The following PLCD1 variants were observed in gnomAD, a reference collection of about 807,000 sequenced individuals.
The protein encoded by PLCD1 is phospholipase C delta 1.
In PLCD1, 71 loss-of-function variants were observed where a neutral mutation model predicts 87.4. That is an observed-to-expected ratio of 0.81 (90% confidence interval 0.67 to 0.99). PLCD1 has a LOEUF of 0.99. Among genes scored for constraint, PLCD1 ranks in the 50% least tolerant of loss-of-function variants. PLCD1 has a pLI of 0.00. For synonymous variants in PLCD1, 348 were observed against 399.2 expected (o/e 0.87, Z 1.53); for missense variants, 867 against 1,001.5 (o/e 0.87, Z 1.81).
chr3:38,021,970 C>T (rs893466710), intron 1 of PLCD1, among the ~76,000 whole-genome samples: 2 of 152,238 alleles, frequency 1.3e-5, no homozygotes, highest in African/African-American at 4.8e-5. Flanking sequence ...CTCACACACT[C>T]TTTATCCTTC....
intron 1 of PLCD1, among the ~76,000 whole-genome samples, chr3:38,022,257 G>C (rs1700246529): frequency 6.6e-6 from 1 of 152,218 alleles, no homozygotes; most frequent in South Asian, 2.1e-4. Flanking sequence ...GAAAAGAAGG[G>C]GGCTCTGATA....
chr3:38,026,135 C>T (rs1482448599), intron 1 of PLCD1, among the ~76,000 whole-genome samples: 4 of 152,178 alleles, frequency 2.6e-5, no homozygotes, highest in Admixed American at 6.5e-5. Context: ...TTAACCAGAC[C>T]AAAGACCCCT....
At chr3:38,008,970 C>T (rs942132605) in intron 11 of PLCD1, 72 bp downstream of exon 11, 62 of 1,269,578 alleles carry the variant, frequency 4.9e-5, no homozygotes, top group South Asian at 4.7e-4. Flanking sequence ...GCATGGCCTT[C>T]GAGGCTCCAG....
At chr3:38,027,204 C>T (rs987031252) in intron 1 of PLCD1, among the ~76,000 whole-genome samples, 6 of 152,188 alleles carry the variant, frequency 3.9e-5, no homozygotes, top group Non-Finnish European at 2.9e-5. Context: ...GAATCTAGTT[C>T]TGGCCCTATT....
chr3:38,009,335 G>A lies in PLCD1; in HGVS notation c.1543C>T (p.Gln515Ter), dbSNP rs1700028663. 6.2e-7 allele frequency: 1 copy of A among 1,614,216 alleles called. No individual in the cohort carries two copies. The highest frequency in any genetic ancestry group is 8.5e-7 in the Non-Finnish European group (1 of 1,180,022). The change falls in exon 10 of 15, where the codon CAG becomes TAG. Residue 515 changes from glutamine (Q) to a stop codon, truncating the protein, a stop_gained. Transcript: ENST00000334661. LOFTEE classifies it high-confidence loss of function. ...AAGGACGCCATCTCGTAGAAGGCCT[G>A]TCCAGGGGTGCCAGGACTGGAGAAG... ...GGFSSPGTPG[Q>*]AFYEMASFSE...
At chr3:38,013,072 G>T (rs113171746) in intron 3 of PLCD1, among the ~76,000 whole-genome samples, 5,382 of 151,210 alleles carry the variant, frequency 0.036, 134 homozygotes, top group African/African-American at 0.075. Flanking sequence ...GTATTTTTTG[G>T]AGAGATGGGG....
chr3:38,024,856 AC>A, intron 1 of PLCD1: 1 of 563,858 alleles, frequency 1.8e-6, no homozygotes, highest in African/African-American at 2.0e-5. Flanking sequence ...GGGACTAACG[AC>A]CCCTGGAGAT....
chr3:38,014,548 T>A (rs1404923952), intron 3 of PLCD1: 1 of 153,762 alleles, frequency 6.5e-6, no homozygotes, highest in East Asian at 1.9e-4. Flanking sequence ...AAAACTTTTG[T>A]GCTTCAAAGA....
At chr3:38,024,668 G>A in intron 1 of PLCD1, 1 of 1,512,620 alleles carries the variant, frequency 6.6e-7, no homozygotes, top group Non-Finnish European at 8.8e-7. Context: ...TCAGACGCTA[G>A]GAGGCGGAGC....
Position 38,018,675 on chromosome 3 carries a change from T to C in PLCD1, c.199+1513A>G, listed in dbSNP as rs1700191284. 6.6e-6 allele frequency among the ~76,000 whole-genome samples: 1 copy of C among 151,948 alleles called. No homozygotes were observed. On this transcript the variant is annotated intron_variant, in intron 2 of 14. Transcript: ENST00000334661. This position sits in a 1 kb window ranked among gnomAD's most constrained non-coding sequence, Gnocchi z 5.7. ...GTGGGCTCCAGGGAATCCCCAGGGC[T>C]CAGAGTATAAGATCCCCATTCTCAC...
At chr3:38,008,896 G>A in intron 11 of PLCD1, 146 bp downstream of exon 11, 1 of 702,362 alleles carries the variant, frequency 1.4e-6, no homozygotes, top group South Asian at 1.7e-5. Context: ...GATATTTCCA[G>A]ACTGATATTA....
At chr3:38,021,302 C>G (rs1700230161) in intron 1 of PLCD1, among the ~76,000 whole-genome samples, 1 of 152,208 alleles carries the variant, frequency 6.6e-6, no homozygotes, top group South Asian at 2.1e-4. Context: ...TCTGGGACCC[C>G]TCAGGATACA....
chr3:38,020,078 G>A (rs1001394568), intron 2 of PLCD1, 110 bp downstream of exon 2: 19 of 1,004,056 alleles, frequency 1.9e-5, no homozygotes, highest in Non-Finnish European at 2.7e-5. Flanking sequence ...CACCAGGCCA[G>A]GCCTCAGTTT....
rs762549368 is a variant in PLCD1, at chr3:38,007,637, A to C, written c.*136T>G. The C allele has an allele frequency of 7.0e-5, 51 of 731,546 alleles. No homozygotes were observed. The highest frequency in any genetic ancestry group is 2.1e-4 in the South Asian group (14 of 67,496). 45.3% of individuals were successfully genotyped at this position (731,546 alleles called of 1,614,324 possible). ...CTGGTCCCCAGGGAGGCAGCAGCAGACACTATGTTAGGGCTGAAGGCAATT... is the reference window on the plus strand; with the variant it reads ...CTGGTCCCCAGGGAGGCAGCAGCAGCCACTATGTTAGGGCTGAAGGCAATT... On this transcript the variant is annotated 3_prime_UTR_variant, in exon 15 of 15. Coordinates refer to ENST00000334661, the MANE Select transcript of PLCD1 (RefSeq NM_006225.4).
At chr3:38,015,354 G>A (rs1348533662) in intron 3 of PLCD1, among the ~76,000 whole-genome samples, 5 of 152,210 alleles carry the variant, frequency 3.3e-5, no homozygotes, top group Admixed American at 1.3e-4. Flanking sequence ...CCATGATTCC[G>A]TTTCTGTAAC....
At position 38,009,997 on chromosome 3, in the gene PLCD1, C is replaced by T; in HGVS notation, c.1194G>A (p.Gln398=). 1 of 1,614,132 alleles carries T rather than the reference C, an allele frequency of 6.2e-7. No individual in the cohort carries two copies. The highest frequency in any genetic ancestry group is 8.5e-7 in the Non-Finnish European group (1 of 1,179,962). ...CATGCAGGTGCCGCGCCATCACGCG[C>T]TGCTGCTCCAGTGTGCAGTGGTTCT... ...SLENHCTLEQ[Q]RVMARHLHAI... The change falls in exon 8 of 15, where the codon CAG becomes CAA. Residue 398 remains glutamine (Q), a synonymous_variant. Transcript: ENST00000334661.
rs1249630484 is a variant in PLCD1 at position 38,007,770 on chromosome 3, A to G, written c.*3T>C. ...AGGGGGGACCCCACTGGCTTCCTCC[A>G]GCCTAGTCCTGGAGGGAGATCTTCA... On this transcript the variant is annotated 3_prime_UTR_variant, in exon 15 of 15. Coordinates refer to ENST00000334661, the MANE Select transcript of PLCD1 (RefSeq NM_006225.4). 8 of 1,612,442 alleles carry G rather than the reference A, an allele frequency of 5.0e-6. No individual in the cohort carries two copies. In the African/African-American group the frequency reaches 1.1e-4, roughly 22 times the overall value.
Position 38,029,571 on chromosome 3 carries a change from G to T in PLCD1, c.-32C>A. 3 of 1,534,606 alleles carry T rather than the reference G, an allele frequency of 2.0e-6. No individual in the cohort carries two copies. The highest frequency in any genetic ancestry group is 8.7e-7 in the Non-Finnish European group (1 of 1,145,088). ...CGGGCGGCGCGGCGGGAGGGGCACC[G>T]CGGGACTCACTTGAGTAGCGACAGC... On this transcript the variant is annotated 5_prime_UTR_variant, in exon 1 of 15. Transcript: ENST00000334661.
At chr3:38,020,378 C>T (rs1700216864) in intron 1 of PLCD1, 26 bp from the exon 2 acceptor site, 1 of 1,610,858 alleles carries the variant, frequency 6.2e-7, no homozygotes, top group African/African-American at 1.3e-5. Flanking sequence ...AGTAAGATGC[C>T]ACCTTCTCCA....
Sources: allele counts gnomAD v4.1 joint callset (sites outside exome capture counted in the v4.1 genomes callset), GRCh38; gene constraint gnomAD v4.1.1; non-coding constraint Gnocchi (gnomAD v3.1); transcripts MANE v1.5; gene names NCBI Gene and HGNC (gene_info 2026-07-23, HGNC 2026-07-21).